GPC5: variants seen among roughly 807,000 people sequenced by gnomAD.
The protein encoded by GPC5 is glypican-5.
In GPC5, 47 loss-of-function variants were observed where a neutral mutation model predicts 53.9. The observed-to-expected ratio is 0.87, with a 90% confidence interval of 0.69 to 1.11. GPC5 has a LOEUF of 1.11. Among genes scored for constraint, GPC5 ranks in the 50% most tolerant of loss-of-function variants. The pLI is 0.00. For missense variants in GPC5, 748 were observed against 713.1 expected (o/e 1.05, Z -0.56); for synonymous variants, 286 against 263.3 (o/e 1.09, Z -0.84).
intron 7 of GPC5, among the ~76,000 whole-genome samples, chr13:92,444,485 T>G (rs984715978): frequency 6.6e-6 from 1 of 152,078 alleles, no homozygotes; most frequent in African/African-American, 2.4e-5. Flanking sequence ...AGCCTTGAAA[T>G]CACTGTGGTT....
At chr13:92,602,530 G>GT (rs936821003) in intron 7 of GPC5, among the ~76,000 whole-genome samples, 7 of 151,892 alleles carry the variant, frequency 4.6e-5, no homozygotes, top group African/African-American at 1.7e-4. Context: ...TACTAAGGCA[G>GT]TTTTTTATTT....
At chr13:92,218,782 C>A (rs779092047) in intron 7 of GPC5, among the ~76,000 whole-genome samples, 2 of 152,106 alleles carry the variant, frequency 1.3e-5, no homozygotes, top group African/African-American at 2.4e-5. Context: ...CACTTCATCT[C>A]CAAGCTAAGG....
chr13:91,620,022 A>G (rs2033809912), intron 2 of GPC5, among the ~76,000 whole-genome samples: 1 of 152,128 alleles, frequency 6.6e-6, no homozygotes, highest in Non-Finnish European at 1.5e-5. Context: ...TTGGAAAGCG[A>G]TTATTGAAAG....
At chr13:92,635,393 A>T (rs1049474479) in intron 7 of GPC5, among the ~76,000 whole-genome samples, 3 of 152,192 alleles carry the variant, frequency 2.0e-5, no homozygotes, top group Admixed American at 1.3e-4. Context: ...AGAGCATGGC[A>T]CCAGCATGTA....
chr13:91,564,135 A>G (rs1454320086), intron 2 of GPC5, among the ~76,000 whole-genome samples: 2 of 152,130 alleles, frequency 1.3e-5, no homozygotes, highest in Admixed American at 6.6e-5. Context: ...CTAACACGAA[A>G]CATGTGTCCT....
chr13:92,160,790 C>G (rs1033282839), intron 7 of GPC5, among the ~76,000 whole-genome samples: 1 of 152,090 alleles, frequency 6.6e-6, no homozygotes, highest in African/African-American at 2.4e-5. Context: ...TAATAAAAAG[C>G]AAATGGGACT....
At chr13:92,774,208 G>A (rs1022084521) in intron 7 of GPC5, among the ~76,000 whole-genome samples, 1 of 152,150 alleles carries the variant, frequency 6.6e-6, no homozygotes, top group Non-Finnish European at 1.5e-5. Context: ...CTTAACCTCA[G>A]TCAACTTTTT....
intron 5 of GPC5, among the ~76,000 whole-genome samples, chr13:91,886,878 G>A (rs2039328471): frequency 1.3e-5 from 2 of 152,154 alleles, no homozygotes; most frequent in African/African-American, 4.8e-5. Context: ...TTACTGGCTG[G>A]CATTGTTTGT....
intron 7 of GPC5, among the ~76,000 whole-genome samples, chr13:92,281,911 G>C (rs9523588): frequency 6.6e-6 from 1 of 152,108 alleles, no homozygotes; most frequent in African/African-American, 2.4e-5. Context: ...GACTTTGACA[G>C]GTTGAGAGAA....
intron 2 of GPC5, among the ~76,000 whole-genome samples, chr13:91,616,459 C>T (rs868356869): frequency 2.6e-5 from 4 of 152,166 alleles, no homozygotes; most frequent in Middle Eastern, 3.4e-3. Flanking sequence ...CCTGGGATTA[C>T]ACATAACGCC....
At chr13:91,661,877 A>G (rs2034995371) in intron 2 of GPC5, among the ~76,000 whole-genome samples, 1 of 152,128 alleles carries the variant, frequency 6.6e-6, no homozygotes, top group South Asian at 2.1e-4. Context: ...CTTTTTAAGA[A>G]CGCTATTGTT....
intron 7 of GPC5, among the ~76,000 whole-genome samples, chr13:92,367,092 T>C (rs553522292): frequency 9.2e-5 from 14 of 152,148 alleles, no homozygotes; most frequent in Non-Finnish European, 2.1e-4. Flanking sequence ...CACGTCAAAG[T>C]CTGCACTAGT....
chr13:92,584,523 G>T (rs1351392829), intron 7 of GPC5, among the ~76,000 whole-genome samples: 1 of 152,218 alleles, frequency 6.6e-6, no homozygotes, highest in Non-Finnish European at 1.5e-5. Flanking sequence ...AGTTTTATAA[G>T]GGAAGCAGAA....
intron 7 of GPC5, among the ~76,000 whole-genome samples, chr13:92,541,845 A>T (rs960903352): frequency 2.0e-5 from 3 of 151,858 alleles, no homozygotes; most frequent in Non-Finnish European, 4.4e-5. Context: ...CCACAGGGAT[A>T]TTCAGTTGCT....
intron 2 of GPC5, among the ~76,000 whole-genome samples, chr13:91,471,025 AAAAC>A (rs914350646): frequency 4.6e-5 from 7 of 152,194 alleles, no homozygotes; most frequent in African/African-American, 7.2e-5. Flanking sequence ...TATGTTAAAA[AAAAC>A]AAACAACCCC....
chr13:92,192,345 T>C (rs2042228329), intron 7 of GPC5, among the ~76,000 whole-genome samples: 1 of 152,162 alleles, frequency 6.6e-6, no homozygotes, highest in Non-Finnish European at 1.5e-5. Flanking sequence ...TGGGAGTATA[T>C]AGGAACTCTG....
At chr13:91,423,746 A>G (rs1039046639) in intron 1 of GPC5, among the ~76,000 whole-genome samples, 4 of 152,214 alleles carry the variant, frequency 2.6e-5, no homozygotes, top group African/African-American at 9.6e-5. Context: ...TCAAAAAATG[A>G]TAAGTATGTG....
chr13:91,990,019 T>G (rs1359172874), intron 6 of GPC5, among the ~76,000 whole-genome samples: 2 of 152,192 alleles, frequency 1.3e-5, no homozygotes, highest in Non-Finnish European at 2.9e-5. Context: ...TATAGTAATT[T>G]TAAAATAGCT....
chr13:92,560,458 T>C (rs575617338), intron 7 of GPC5, among the ~76,000 whole-genome samples: 1 of 152,132 alleles, frequency 6.6e-6, no homozygotes, highest in Non-Finnish European at 1.5e-5. Context: ...CCAGAAAGTC[T>C]CTGAATGGGC....
Sources: gnomAD v4.1 joint callset for allele counts (sites outside exome capture counted in the v4.1 genomes callset) on GRCh38, gnomAD v4.1.1 for gene constraint, MANE v1.5 for transcripts, NCBI Gene and HGNC (gene_info 2026-07-23, HGNC 2026-07-21) for gene names.